SLC35F4: variants seen among roughly 807,000 people sequenced by gnomAD.
SLC35F4 encodes the protein solute carrier family 35 member F4.
A neutral mutation model predicts 44.2 loss-of-function variants in SLC35F4; 24 were observed. The ratio of observed to expected loss-of-function variants is 0.54; its 90% CI spans 0.39 to 0.76. The LOEUF (loss-of-function observed/expected upper bound fraction) is 0.76, where lower values mean the gene tolerates loss of function less well. Among genes scored for constraint, SLC35F4 ranks in the 30% least tolerant of loss-of-function variants. The probability of loss-of-function intolerance (pLI) is 0.00; values close to 1 mark genes in which losing one functional copy is unlikely to be tolerated. For missense variants in SLC35F4, 562 were observed against 586.1 expected (o/e 0.96, Z 0.42); for synonymous variants, 238 against 223.6 (o/e 1.06, Z -0.57).
At chr14:57,658,382 CTG>C (rs2074034219) in intron 1 of SLC35F4, among the ~76,000 whole-genome samples, 1 of 152,166 alleles carries the variant, frequency 6.6e-6, no homozygotes, top group African/African-American at 2.4e-5. Flanking sequence ...ATGGAAATAT[CTG>C]TGTTGAAACA....
At chr14:57,938,042 C>T (rs1004573114) in intron 1 of SLC35F4, among the ~76,000 whole-genome samples, 2 of 152,240 alleles carry the variant, frequency 1.3e-5, no homozygotes, top group East Asian at 1.9e-4. Context: ...ATGCGTCTTC[C>T]TTATCAATAC....
intron 1 of SLC35F4, among the ~76,000 whole-genome samples, chr14:57,637,851 A>C (rs373439596): frequency 9.2e-5 from 14 of 152,206 alleles, no homozygotes; most frequent in African/African-American, 3.4e-4. Flanking sequence ...AAGAGACATT[A>C]AAAACTGAGT....
intron 1 of SLC35F4, among the ~76,000 whole-genome samples, chr14:57,743,039 A>C (rs186749656): frequency 1.3e-5 from 2 of 152,344 alleles, no homozygotes; most frequent in Non-Finnish European, 2.9e-5. Context: ...ACAAAGACAC[A>C]ACATACCAGA....
upstream of SLC35F4, among the ~76,000 whole-genome samples, chr14:57,868,652 A>G (rs74637916): frequency 0.15 from 23,324 of 151,808 alleles, 1,906 homozygotes; most frequent in East Asian, 0.23. Flanking sequence ...ATTTTTTTGT[A>G]TTTTTAGTAG....
chr14:57,945,676 T>C (rs911559346), intron 1 of SLC35F4, among the ~76,000 whole-genome samples: 5 of 152,168 alleles, frequency 3.3e-5, no homozygotes, highest in African/African-American at 1.2e-4. Flanking sequence ...GTTCTACTTT[T>C]AGTTCTTTAA....
intron 1 of SLC35F4, among the ~76,000 whole-genome samples, chr14:57,755,677 T>A (rs574977986): frequency 6.6e-6 from 1 of 152,338 alleles, no homozygotes; most frequent in African/African-American, 2.4e-5. Context: ...AAGCTATAAT[T>A]TAATAATTCC....
At chr14:57,711,676 A>G (rs1212995508) in intron 1 of SLC35F4, among the ~76,000 whole-genome samples, 1 of 152,206 alleles carries the variant, frequency 6.6e-6, no homozygotes, top group African/African-American at 2.4e-5. Context: ...GTCAATAATG[A>G]ACCACAGAAA....
chr14:57,792,254 A>G (rs2077939537), intron 1 of SLC35F4, among the ~76,000 whole-genome samples: 1 of 152,112 alleles, frequency 6.6e-6, no homozygotes, highest in South Asian at 2.1e-4. Flanking sequence ...AAAAAATAAA[A>G]AACAGTAGAT....
rs1226325332 is a variant in SLC35F4, at chr14:57,581,271, T to A, written c.750A>T (p.Lys250Asn). The part of the protein sequence containing the change: ...TDVSALFCCN[K>N]AFVFLLSWIV... ...TCCATGACAGCAAGAAGACAAAGGC[T>A]TTGTTACAACAGAACAGAGCGGAGA... Residue 250 changes from lysine (K) to asparagine (N), a missense_variant, in exon 4 of 8, where the codon AAA becomes AAT. Physicochemically the swap from Lys to Asn is moderately conservative, Grantham distance 94. Transcript: ENST00000556826. The A allele has an allele frequency of 6.2e-7, 1 of 1,610,134 alleles. No individual in the cohort carries two copies. The highest frequency in any genetic ancestry group is 1.1e-5 in the South Asian group (1 of 90,188).
chr14:57,898,274 C>T (rs1007551954), intron 1 of SLC35F4, among the ~76,000 whole-genome samples: 13 of 152,216 alleles, frequency 8.5e-5, no homozygotes, highest in African/African-American at 3.1e-4. Flanking sequence ...ATTGTTACAT[C>T]TCTGCATTTT....
At chr14:57,672,406 T>C (rs954080558) in intron 1 of SLC35F4, among the ~76,000 whole-genome samples, 2 of 152,116 alleles carry the variant, frequency 1.3e-5, no homozygotes, top group African/African-American at 4.8e-5. Context: ...GGAACAGTGA[T>C]CTCAATTATC....
At chr14:57,972,641 T>C (rs941162374), downstream of SLC35F4, among the ~76,000 whole-genome samples, 4 of 152,188 alleles carry the variant, frequency 2.6e-5, no homozygotes, top group African/African-American at 9.6e-5. Flanking sequence ...GGCTGATTCA[T>C]AGCAGAGCCA....
upstream of SLC35F4, among the ~76,000 whole-genome samples, chr14:57,866,486 CTTT>C (rs1424781677): frequency 3.3e-5 from 5 of 152,070 alleles, no homozygotes; most frequent in Non-Finnish European, 5.9e-5. Flanking sequence ...GACTGGGAAT[CTTT>C]TTTTATGAAA....
At chr14:57,597,070 A>T (rs1219288530) in intron 1 of SLC35F4, among the ~76,000 whole-genome samples, 4 of 152,222 alleles carry the variant, frequency 2.6e-5, no homozygotes, top group African/African-American at 7.2e-5. Flanking sequence ...GGCAACCCTG[A>T]CAAATATAAA....
At chr14:57,588,845 A>AGAAAT (rs1165538568) in intron 3 of SLC35F4, among the ~76,000 whole-genome samples, 4 of 152,240 alleles carry the variant, frequency 2.6e-5, no homozygotes. Context: ...CACGACTTTC[A>AGAAAT]GAAATAAATA....
intron 1 of SLC35F4, among the ~76,000 whole-genome samples, chr14:57,735,730 T>TG (rs1378806997): frequency 5.4e-4 from 81 of 149,896 alleles, no homozygotes; most frequent in African/African-American, 1.9e-3. Flanking sequence ...CTTTTGTTTT[T>TG]TTTTTTTTTA....
chr14:57,932,960 C>T (rs1251979026), intron 1 of SLC35F4, among the ~76,000 whole-genome samples: 2 of 152,038 alleles, frequency 1.3e-5, no homozygotes, highest in African/African-American at 4.8e-5. Flanking sequence ...ACTCCACTAC[C>T]ATGGGAAAAT....
chr14:57,956,256 G>A (rs929143608), intron 1 of SLC35F4, among the ~76,000 whole-genome samples: 1 of 152,070 alleles, frequency 6.6e-6, no homozygotes, highest in African/African-American at 2.4e-5. Context: ...ACTGAAACTA[G>A]ACCCCTTCCT....
Position 57,582,708 on chromosome 14 carries a change from T to C in SLC35F4, c.588-1275A>G, listed in dbSNP as rs113524099. 4.9e-3 allele frequency among the ~76,000 whole-genome samples: 739 copies of C among 152,258 alleles called. 2 individuals carry two copies. The highest frequency in any genetic ancestry group is 6.6e-3 in the Non-Finnish European group (449 of 68,018). On this transcript the variant is annotated intron_variant, in intron 3 of 7. Transcript: ENST00000556826. ...GCTCCAGGCATTGTATTTTCATGAG[T>C]AGTATATGTTTATAATGAAATCTAT... is the stretch of plus-strand genomic sequence containing the variant.
Sources: allele counts gnomAD v4.1 joint callset (sites outside exome capture counted in the v4.1 genomes callset), GRCh38; gene constraint gnomAD v4.1.1; transcripts MANE v1.5; gene names NCBI Gene and HGNC (gene_info 2026-07-23, HGNC 2026-07-21).